CADM2: variants seen among roughly 807,000 people sequenced by gnomAD.
CADM2 encodes cell adhesion molecule 2.
A neutral mutation model predicts 49.8 loss-of-function variants in CADM2; 12 were observed. The ratio of observed to expected loss-of-function variants is 0.24; its 90% CI spans 0.15 to 0.39. CADM2 has a LOEUF of 0.39. Among genes scored for constraint, CADM2 ranks in the 10% least tolerant of loss-of-function variants. The pLI is 1.00. For synonymous variants in CADM2, 214 were observed against 175.4 expected (o/e 1.22, Z -1.74); for missense variants, 378 against 492.3 (o/e 0.77, Z 2.20).
chr3:85,617,242 G>T (rs150718471), intron 1 of CADM2, among the ~76,000 whole-genome samples: 1 of 152,236 alleles, frequency 6.6e-6, no homozygotes, highest in East Asian at 1.9e-4. Flanking sequence ...TGACCAACTG[G>T]CCTCAAGTTG....
At chr3:85,329,840 C>G (rs1240855176) in intron 1 of CADM2, among the ~76,000 whole-genome samples, 2 of 151,930 alleles carry the variant, frequency 1.3e-5, no homozygotes, top group African/African-American at 2.4e-5. Flanking sequence ...ACATGACAAT[C>G]TAAAAGTGAC....
chr3:85,110,778 A>G (rs2038425492), intron 1 of CADM2, among the ~76,000 whole-genome samples: 1 of 151,864 alleles, frequency 6.6e-6, no homozygotes, highest in Non-Finnish European at 1.5e-5. Context: ...GAGTTGCAAT[A>G]GAAGGACATA....
chr3:85,095,606 A>G (rs1185464906), intron 1 of CADM2, among the ~76,000 whole-genome samples: 2 of 152,106 alleles, frequency 1.3e-5, no homozygotes, highest in Non-Finnish European at 2.9e-5. Flanking sequence ...ACTTAGAAAA[A>G]CCAAAATCTT....
At position 85,573,021 on chromosome 3, in the gene CADM2, G is replaced by C. The variant is rs188894892; in HGVS notation, c.62-153501G>C. 3.5e-4 allele frequency among the ~76,000 whole-genome samples: 53 copies of C among 152,102 alleles called. No homozygotes were observed. The East Asian group carries it at 8.7e-3, about 25-fold the overall frequency. On this transcript the variant is annotated intron_variant, in intron 1 of 9. Transcript: ENST00000383699. ...CCTAATCGTGTATACATAAGATGCAGTCCATTTTAGTTAATGAACTATTTT... is the reference window on the plus strand; with the variant it reads ...CCTAATCGTGTATACATAAGATGCACTCCATTTTAGTTAATGAACTATTTT...
chr3:85,336,266 A>G (rs1361712743), intron 1 of CADM2, among the ~76,000 whole-genome samples: 1 of 151,332 alleles, frequency 6.6e-6, no homozygotes, highest in African/African-American at 2.4e-5. Flanking sequence ...ATCTCTTGAT[A>G]TTTTTCTGAA....
At chr3:85,658,746 T>A (rs2065299732) in intron 1 of CADM2, among the ~76,000 whole-genome samples, 1 of 150,806 alleles carries the variant, frequency 6.6e-6, no homozygotes, top group South Asian at 2.1e-4. Context: ...GCACAGAAGT[T>A]TCTGACAAAC....
intron 5 of CADM2, among the ~76,000 whole-genome samples, chr3:85,895,705 A>C (rs968520715): frequency 6.6e-6 from 1 of 152,050 alleles, no homozygotes; most frequent in African/African-American, 2.4e-5. Flanking sequence ...AAGTTTTTCC[A>C]TGCTGTTCTT....
intron 3 of CADM2, among the ~76,000 whole-genome samples, chr3:85,806,188 GAGGAAGGAAGGAAGGAAAGA>G (rs1400515754): frequency 6.9e-6 from 1 of 145,388 alleles, no homozygotes; most frequent in Non-Finnish European, 1.5e-5. Context: ...GGGAGGGAGG[GAGGAAGGAAGGAAGGAAAGA>G]AGGAAGGAAG....
chr3:85,273,866 C>T (rs772401803), intron 1 of CADM2, among the ~76,000 whole-genome samples: 11 of 151,226 alleles, frequency 7.3e-5, no homozygotes, highest in South Asian at 2.1e-4. Context: ...GGGAGATGGA[C>T]GTAAGAAGAG....
intron 1 of CADM2, among the ~76,000 whole-genome samples, chr3:85,577,123 T>A (rs1013920537): frequency 6.6e-6 from 1 of 152,160 alleles, no homozygotes; most frequent in African/African-American, 2.4e-5. Context: ...GATTCTCTAT[T>A]TTTTTTCTTA....
chr3:84,992,236 G>GT (rs1190708589), intron 1 of CADM2, among the ~76,000 whole-genome samples: 2 of 152,172 alleles, frequency 1.3e-5, no homozygotes, highest in South Asian at 4.2e-4. Flanking sequence ...CAATATTGCT[G>GT]TAAGTTTAAA....
At chr3:85,342,952 C>G (rs573213374) in intron 1 of CADM2, among the ~76,000 whole-genome samples, 1 of 152,254 alleles carries the variant, frequency 6.6e-6, no homozygotes, top group East Asian at 1.9e-4. Context: ...ATGTTCAGGT[C>G]TTAAATTAGT....
intron 1 of CADM2, among the ~76,000 whole-genome samples, chr3:85,219,184 A>C (rs1055241961): frequency 5.3e-5 from 8 of 152,200 alleles, no homozygotes; most frequent in African/African-American, 1.9e-4. Context: ...CAACACTCCA[A>C]ATGTAAACAA....
At chr3:85,784,860 T>C (rs78284816) in intron 2 of CADM2, among the ~76,000 whole-genome samples, 8,220 of 152,246 alleles carry the variant, frequency 0.054, 634 homozygotes, top group African/African-American at 0.17. Flanking sequence ...TAAATAGAAT[T>C]GGCATTAGTT....
At chr3:85,510,807 A>G (rs2040581793) in intron 1 of CADM2, among the ~76,000 whole-genome samples, 1 of 152,000 alleles carries the variant, frequency 6.6e-6, no homozygotes, top group Non-Finnish European at 1.5e-5. Flanking sequence ...TCTACTTCAT[A>G]TGTAATACTG....
intron 1 of CADM2, among the ~76,000 whole-genome samples, chr3:85,206,316 T>C (rs894827054): frequency 4.7e-5 from 7 of 150,244 alleles, no homozygotes; most frequent in East Asian, 3.9e-4. Flanking sequence ...CTTTTCTTTT[T>C]TTTTTTTTTG....
chr3:85,308,310 TACACACAC>T (rs10662960), intron 1 of CADM2, among the ~76,000 whole-genome samples: 5 of 143,602 alleles, frequency 3.5e-5, no homozygotes, highest in African/African-American at 1.3e-4. Flanking sequence ...TCTACCTCTC[TACACACAC>T]ACACACACAC....
intron 1 of CADM2, among the ~76,000 whole-genome samples, chr3:85,346,782 G>A (rs2030704074): frequency 6.6e-6 from 1 of 152,090 alleles, no homozygotes; most frequent in Admixed American, 6.6e-5. Flanking sequence ...GGATATTACA[G>A]TAACTACCCA....
At chr3:85,985,125 A>G (rs1473425233) in intron 8 of CADM2, among the ~76,000 whole-genome samples, 1 of 151,912 alleles carries the variant, frequency 6.6e-6, no homozygotes, top group East Asian at 1.9e-4. Context: ...TCAGTGACTT[A>G]CACATAACAA....
Sources: allele counts gnomAD v4.1 joint callset (sites outside exome capture counted in the v4.1 genomes callset), GRCh38; gene constraint gnomAD v4.1.1; transcripts MANE v1.5; gene names NCBI Gene and HGNC (gene_info 2026-07-23, HGNC 2026-07-21).